The following ASB18 variants were observed in gnomAD, a reference collection of about 807,000 sequenced individuals.
ASB18 encodes the protein ankyrin repeat and SOCS box containing 18, also known as ankyrin repeat and SOCS box protein 18.
In ASB18, 33 loss-of-function variants were observed where a neutral mutation model predicts 33.4. The observed-to-expected ratio is 0.99, with a 90% CI of 0.75 to 1.32. The LOEUF (loss-of-function observed/expected upper bound fraction) is 1.32, where lower values mean the gene tolerates loss of function less well. Ranked by LOEUF, ASB18 falls within the 40% of genes most tolerant of loss-of-function variation. The pLI is 0.00. For missense variants in ASB18, 694 were observed against 655.5 expected, an observed-to-expected ratio of 1.06 and a Z score of -0.64; for synonymous variants, 295 against 307.6, an observed-to-expected ratio of 0.96 and a Z score of 0.43.
Position 236,209,924 on chromosome 2 carries a change from G to A in ASB18, c.1101+4438C>T, listed in dbSNP as rs751855818. Among the ~76,000 whole-genome samples the A allele has an allele frequency of 6.6e-6, 1 of 152,202 alleles. No homozygotes were observed. The highest frequency in any genetic ancestry group is 1.5e-5 in the Non-Finnish European group (1 of 68,034). On this transcript the variant is annotated intron_variant, in intron 4 of 5. Coordinates refer to ENST00000409749, the MANE Select transcript of ASB18 (RefSeq NM_212556.4). This position sits in a 1 kb window ranked among gnomAD's most constrained non-coding sequence, Gnocchi z 4.4. ...TTTGCCCAGGACGTCTGTCTAGAAT[G>A]TTTGTCCCCCGCTTCACAAAGATAA...
chr2:236,214,973 A>C lies in ASB18; in HGVS notation c.597-107T>G. On this transcript the variant is annotated intron_variant, in intron 3 of 5. Transcript: ENST00000409749. The surrounding 1 kb of genome is among the most constrained non-coding windows in gnomAD (Gnocchi z 6.5). ...TCAAGTGACCTCTGAATGAAAAGAC[A>C]TGCTCCGCTCTCCCATACCAAGGCG... 1 of 823,828 alleles carries C rather than the reference A, an allele frequency of 1.2e-6. No individual in the cohort carries two copies. The allele number at this position is 823,828 out of a possible 1,614,324, so 51.0% of individuals were successfully genotyped here.
chr2:236,206,994 G>A (rs80238287), intron 4 of ASB18, among the ~76,000 whole-genome samples: 9,328 of 152,254 alleles, frequency 0.061, 943 homozygotes, highest in African/African-American at 0.21. Flanking sequence ...AGGTGCTGCT[G>A]GTGAAGCTAC....
In ASB18 at chr2:236,203,324, G is replaced by A. The variant is rs2060415053; in HGVS notation, c.1102-6939C>T. Reference sequence around the variant, plus strand: ...GCAGGAGTTAGCAGGGGGAAAAAAAGGCATGGAGAGTTCTGGGGACAAGAG... The same window carrying A: ...GCAGGAGTTAGCAGGGGGAAAAAAAAGCATGGAGAGTTCTGGGGACAAGAG... On this transcript the variant is annotated intron_variant, in intron 4 of 5. Transcript: ENST00000409749. This position sits in a 1 kb window ranked among gnomAD's most constrained non-coding sequence, Gnocchi z 6.0. Among the ~76,000 whole-genome samples the A allele has an allele frequency of 6.6e-6, 1 of 152,200 alleles. No homozygotes were observed. The highest frequency in any genetic ancestry group is 1.5e-5 in the Non-Finnish European group (1 of 68,038).
chr2:236,215,341 C>A lies in ASB18; in HGVS notation c.597-475G>T, dbSNP rs1323384920. Among the ~76,000 whole-genome samples, 1 of 152,120 alleles carries A rather than the reference C, an allele frequency of 6.6e-6. No individual in the cohort carries two copies. Among genetic ancestry groups the A allele is most frequent in the Non-Finnish European group, 1.5e-5 (1 of 68,022 alleles). Reference sequence around the variant, plus strand: ...TTGTGAGGGTGTGAGGCAAGCCTTGCCTTGCACCACGAAGGGACTTTCCCC... The same window carrying A: ...TTGTGAGGGTGTGAGGCAAGCCTTGACTTGCACCACGAAGGGACTTTCCCC... On this transcript the variant is annotated intron_variant, in intron 3 of 5. Transcript: ENST00000409749. This position sits in a 1 kb window ranked among gnomAD's most constrained non-coding sequence, Gnocchi z 7.2.
At chr2:236,202,362 TTGGTCTCACTC>T (rs1298747923) in intron 4 of ASB18, among the ~76,000 whole-genome samples, 1 of 151,948 alleles carries the variant, frequency 6.6e-6, no homozygotes, top group Non-Finnish European at 1.5e-5. Context: ...AATCAAGCGT[TTGGTCTCACTC>T]TGGTCTCACT....
Position 236,214,431 on chromosome 2 carries a change from T to C in ASB18, c.1032A>G (p.Ser344=), listed in dbSNP as rs752774360. The part of the protein sequence containing the change: ...LQTASCALQA[S]PQRTVQALLN... ...GCAGCGCCTGCACCGTGCGCTGCGG[T>C]GAGGCCTGGAGAGCGCAGGATGCGG... Residue 344 remains serine, a synonymous_variant, in exon 4 of 6, where the codon TCA becomes TCG. Coordinates refer to ENST00000409749, the MANE Select transcript of ASB18 (RefSeq NM_212556.4). The surrounding 1 kb of genome is among the most constrained non-coding windows in gnomAD (Gnocchi z 6.5). The C allele has an allele frequency of 1.6e-5, 25 of 1,556,472 alleles. No homozygotes were observed. The Admixed American group carries it at 4.5e-4, about 28-fold the overall frequency.
intron 3 of ASB18, among the ~76,000 whole-genome samples, chr2:236,232,622 A>G (rs2060571240): frequency 6.6e-6 from 1 of 152,148 alleles, no homozygotes; most frequent in Admixed American, 6.5e-5. Flanking sequence ...TATAGAATCT[A>G]CAGCTCTTAA....
chr2:236,214,882 G>T lies in ASB18; in HGVS notation c.597-16C>A. 2.5e-6 allele frequency: 3 copies of T among 1,209,444 alleles called. No homozygotes were observed. The highest frequency in any genetic ancestry group is 6.7e-5 in the East Asian group (2 of 29,758). 74.9% of individuals were successfully genotyped at this position (1,209,444 alleles called of 1,614,324 possible). A position where few individuals can be genotyped will look rare whatever the true frequency, so the allele number is the denominator to read the frequency against. On this transcript the variant is annotated splice_polypyrimidine_tract_variant and intron_variant, in intron 3 of 5. Coordinates refer to ENST00000409749, the MANE Select transcript of ASB18 (RefSeq NM_212556.4). The surrounding 1 kb of genome is among the most constrained non-coding windows in gnomAD (Gnocchi z 6.5). ...CTGCGCGCACCTGTGGGAAGCCAGG[G>T]CCTGTCACTCGGGCGCCACGCAGGA...
chr2:236,260,794 C>G lies in ASB18; in HGVS notation c.205+3347G>C, dbSNP rs2060713878. Among the ~76,000 whole-genome samples, 1 of 152,132 alleles carries G rather than the reference C, an allele frequency of 6.6e-6. No individual in the cohort carries two copies. The highest frequency in any genetic ancestry group is 1.5e-5 in the Non-Finnish European group (1 of 68,024). On this transcript the variant is annotated intron_variant, in intron 1 of 5. Coordinates refer to ENST00000409749, the MANE Select transcript of ASB18 (RefSeq NM_212556.4). This position sits in a 1 kb window ranked among gnomAD's most constrained non-coding sequence, Gnocchi z 5.1. ...AAATGCAATTGCAATCCTTAAGTCCCTTTGTGGTAAAACTCCTCCAAGCCT... is the reference window on the plus strand; with the variant it reads ...AAATGCAATTGCAATCCTTAAGTCCGTTTGTGGTAAAACTCCTCCAAGCCT...
At chr2:236,206,298 T>C (rs2060432661) in intron 4 of ASB18, among the ~76,000 whole-genome samples, 1 of 152,040 alleles carries the variant, frequency 6.6e-6, no homozygotes, top group Non-Finnish European at 1.5e-5. Flanking sequence ...AATCCAATCA[T>C]GGTAAACCAA....
Position 236,226,180 on chromosome 2 carries a change from T to G in ASB18, c.597-11314A>C, listed in dbSNP as rs1481440780. ...TTCGACATCTATTAACTTTTTATCC[T>G]TCAAGGTAGTTGGCTGTGTTATTGT... On this transcript the variant is annotated intron_variant, in intron 3 of 5. Transcript: ENST00000409749. The surrounding 1 kb of genome is among the most constrained non-coding windows in gnomAD (Gnocchi z 4.8). 6.6e-6 allele frequency among the ~76,000 whole-genome samples: 1 copy of G among 152,236 alleles called. No individual in the cohort carries two copies. Among genetic ancestry groups the G allele is most frequent in the Non-Finnish European group, 1.5e-5 (1 of 68,040 alleles).
chr2:236,259,579 C>T lies in ASB18; in HGVS notation c.205+4562G>A, dbSNP rs979817715. 3.8e-5 allele frequency: 18 copies of T among 471,088 alleles called. 1 individual carries two copies. The highest frequency in any genetic ancestry group is 3.2e-4 in the Middle Eastern group (1 of 3,078). 29.2% of individuals were successfully genotyped at this position (471,088 alleles called of 1,614,324 possible). A position where few individuals can be genotyped will look rare whatever the true frequency, so the allele number is the denominator to read the frequency against. ...GGACGTGACCTCCCCTGCATGGGGTCGGAAGGATGAGATGGCAAAGGTGAG... is the reference window on the plus strand; with the variant it reads ...GGACGTGACCTCCCCTGCATGGGGTTGGAAGGATGAGATGGCAAAGGTGAG... On this transcript the variant is annotated intron_variant, in intron 1 of 5. Transcript: ENST00000409749. The surrounding 1 kb of genome is among the most constrained non-coding windows in gnomAD (Gnocchi z 4.4).
At position 236,229,705 on chromosome 2, in the gene ASB18, G is replaced by A. The variant is rs988836877; in HGVS notation, c.596+7984C>T. 2.0e-5 allele frequency among the ~76,000 whole-genome samples: 3 copies of A among 152,130 alleles called. No homozygotes were observed. Among genetic ancestry groups the A allele is most frequent in the Non-Finnish European group, 4.4e-5 (3 of 68,018 alleles). On this transcript the variant is annotated intron_variant, in intron 3 of 5. Transcript: ENST00000409749. This position sits in a 1 kb window ranked among gnomAD's most constrained non-coding sequence, Gnocchi z 5.2. ...AAACATACAAAAATTAGCTGGTGTG[G>A]TGGCATGCACCTGTAATCCCAGCTA...
At chr2:236,218,338 C>T (rs2060497055) in intron 3 of ASB18, among the ~76,000 whole-genome samples, 1 of 152,124 alleles carries the variant, frequency 6.6e-6, no homozygotes, top group African/African-American at 2.4e-5. Context: ...TTGACTGGGG[C>T]ACGTCTGCTG....
Position 236,251,074 on chromosome 2 carries a change from G to A in ASB18, c.206-9672C>T, listed in dbSNP as rs61211357. Among the ~76,000 whole-genome samples, 25,112 of 152,140 alleles carry A rather than the reference G, an allele frequency of 0.17. 2,581 individuals carry two copies. Among genetic ancestry groups the A allele is most frequent in the African/African-American group, 0.28 (11,572 of 41,480 alleles). ...AACCACCTCACTAACTTATTTTCCC[G>A]TCACTGCTACCAAGCCCAGTGCAGA... On this transcript the variant is annotated intron_variant, in intron 1 of 5. Coordinates refer to ENST00000409749, the MANE Select transcript of ASB18 (RefSeq NM_212556.4). The surrounding 1 kb of genome is among the most constrained non-coding windows in gnomAD (Gnocchi z 5.3).
rs2060621893 is a variant in ASB18 at position 236,241,685 on chromosome 2, G to C, written c.206-283C>G. Among the ~76,000 whole-genome samples, 1 of 152,130 alleles carries C rather than the reference G, an allele frequency of 6.6e-6. No individual in the cohort carries two copies. The highest frequency in any genetic ancestry group is 2.4e-5 in the African/African-American group (1 of 41,430). On this transcript the variant is annotated intron_variant, in intron 1 of 5. Coordinates refer to ENST00000409749, the MANE Select transcript of ASB18 (RefSeq NM_212556.4). The surrounding 1 kb of genome is among the most constrained non-coding windows in gnomAD (Gnocchi z 4.2). ...CGATGTGATAATGGTTACTTGATATGACCAGGGGCATGTGAGCACTGGGAT... is the reference window on the plus strand; with the variant it reads ...CGATGTGATAATGGTTACTTGATATCACCAGGGGCATGTGAGCACTGGGAT...
rs1394237032 is a variant in ASB18, at chr2:236,205,638, G to T, written c.1101+8724C>A. On this transcript the variant is annotated intron_variant, in intron 4 of 5. Coordinates refer to ENST00000409749, the MANE Select transcript of ASB18 (RefSeq NM_212556.4). The surrounding 1 kb of genome is among the most constrained non-coding windows in gnomAD (Gnocchi z 5.4). ...TATCCTATGTGCCTAGTATATTGCTGGGACATGACTGGTGCTCAGCAAATA... is the reference window on the plus strand; with the variant it reads ...TATCCTATGTGCCTAGTATATTGCTTGGACATGACTGGTGCTCAGCAAATA... Among the ~76,000 whole-genome samples the T allele has an allele frequency of 6.6e-6, 1 of 152,138 alleles. No individual in the cohort carries two copies. The highest frequency in any genetic ancestry group is 1.5e-5 in the Non-Finnish European group (1 of 68,030).
At position 236,226,091 on chromosome 2, in the gene ASB18, C is replaced by T. The variant is rs893755713; in HGVS notation, c.597-11225G>A. On this transcript the variant is annotated intron_variant, in intron 3 of 5. Coordinates refer to ENST00000409749, the MANE Select transcript of ASB18 (RefSeq NM_212556.4). The surrounding 1 kb of genome is among the most constrained non-coding windows in gnomAD (Gnocchi z 4.8). ...TTTATACTACCTGAAGCCAGACCTC[C>T]TCAGAGTATGACTTTAGGGGGACTC... Among the ~76,000 whole-genome samples, 6 of 152,186 alleles carry T rather than the reference C, an allele frequency of 3.9e-5. No homozygotes were observed. In the East Asian group the frequency reaches 1.2e-3, roughly 29 times the overall value.
At position 236,248,157 on chromosome 2, in the gene ASB18, G is replaced by A. The variant is rs778386327; in HGVS notation, c.206-6755C>T. ...TGTGAACTGGAGAAATAATACACGT[G>A]ATGCCCCAACAGCAGTGGTTCAAAC... is the stretch of plus-strand genomic sequence containing the variant. On this transcript the variant is annotated intron_variant, in intron 1 of 5. Transcript: ENST00000409749. This position sits in a 1 kb window ranked among gnomAD's most constrained non-coding sequence, Gnocchi z 4.9. The A allele has an allele frequency of 6.6e-6, 1 of 152,200 alleles. No individual in the cohort carries two copies. The highest frequency in any genetic ancestry group is 1.5e-5 in the Non-Finnish European group (1 of 68,038). The allele number at this position is 152,200 out of a possible 1,614,324, so 9.4% of individuals were successfully genotyped here.
Sources: gnomAD v4.1 joint callset for allele counts (sites outside exome capture counted in the v4.1 genomes callset) on GRCh38, gnomAD v4.1.1 for gene constraint, Gnocchi (gnomAD v3.1) non-coding constraint, MANE v1.5 for transcripts, NCBI Gene and HGNC (gene_info 2026-07-23, HGNC 2026-07-21) for gene names.